Variants in UPK3A observed in about 807,000 individuals in gnomAD.
The protein encoded by UPK3A is uroplakin 3A, also known as uroplakin-3a.
Under a neutral mutation model 27.6 loss-of-function variants are expected in UPK3A, and 32 were observed. The observed-to-expected ratio is 1.16, with a 90% CI of 0.87 to 1.55. The LOEUF is 1.55. UPK3A is among the 40% of genes most tolerant of loss of function. The pLI is 0.00. For synonymous variants in UPK3A, 171 were observed against 163.9 expected (o/e 1.04, Z -0.33); for missense variants, 370 against 367.9 (o/e 1.01, Z -0.05).
At position 45,285,081 on chromosome 22, in the gene UPK3A, CA is replaced by C. The variant is rs909648462; in HGVS notation, c.52+17del. ...TTCGGCTCGGGTAGGCGGTGAAGGG[CA>C]GGAGGGGGCTGAGCCCAGAAAGAGC... On this transcript the variant is annotated intron_variant, in intron 1 of 5. Coordinates refer to ENST00000216211, the MANE Select transcript of UPK3A (RefSeq NM_006953.4). The C allele has an allele frequency of 3.9e-6, 6 of 1,534,498 alleles. No individual in the cohort carries two copies. The African/African-American group carries it at 8.2e-5, about 21-fold the overall frequency.
Position 45,287,432 on chromosome 22 carries a change from T to C in UPK3A, c.469T>C (p.Ser157Pro), listed in dbSNP as rs1294343038. The change falls in exon 3 of 6, where the codon TCG becomes CCG. Residue 157 changes from serine (S) to proline (P), a missense_variant. Physicochemically the swap from Ser to Pro is moderately conservative, Grantham distance 74. Transcript: ENST00000216211. The part of the protein sequence containing the change: ...NFQGLCNAPL[S>P]AATEYRFKYV... ...CCAGGGCCTCTGTAACGCACCCCTG[T>C]CGGCAGCCACGGAGTACAGGTGGGT... 6.2e-7 allele frequency: 1 copy of C among 1,601,994 alleles called. No individual in the cohort carries two copies.
At chr22:45,287,821 C>T (rs929176657) in intron 3 of UPK3A, among the ~76,000 whole-genome samples, 1 of 152,062 alleles carries the variant, frequency 6.6e-6, no homozygotes, top group Non-Finnish European at 1.5e-5. Flanking sequence ...CACCACCATG[C>T]CCGGCTAATT....
rs766609684 is a variant in UPK3A at position 45,285,111 on chromosome 22, C to T, written c.52+46C>T. 2.0e-6 allele frequency: 3 copies of T among 1,513,914 alleles called. No individual in the cohort carries two copies. In the Admixed American group the frequency reaches 6.1e-5, roughly 31 times the overall value. 93.8% of individuals were successfully genotyped at this position (1,513,914 alleles called of 1,614,324 possible). A position where few individuals can be genotyped will look rare whatever the true frequency, so the allele number is the denominator to read the frequency against. The stretch of plus-strand genomic sequence containing the variant: ...GGGGGCTGAGCCCAGAAAGAGCGGG[C>T]AGCTCTGCCCTGGGGCGCCCGCCGC... On this transcript the variant is annotated intron_variant, in intron 1 of 5. Coordinates refer to ENST00000216211, the MANE Select transcript of UPK3A (RefSeq NM_006953.4).
chr22:45,294,827 C>T (rs2084184342), intron 5 of UPK3A, among the ~76,000 whole-genome samples: 1 of 152,018 alleles, frequency 6.6e-6, no homozygotes, highest in Admixed American at 6.6e-5. Context: ...CTGCCTCACA[C>T]CCACCATGTG....
intron 5 of UPK3A, among the ~76,000 whole-genome samples, chr22:45,294,413 A>AT (rs1555906404): frequency 2.7e-5 from 4 of 149,532 alleles, no homozygotes; most frequent in African/African-American, 9.8e-5. Context: ...ACCCTGGTAC[A>AT]CCCCCCCCGG....
chr22:45,289,403 G>A (rs2084143416), intron 4 of UPK3A, among the ~76,000 whole-genome samples: 1 of 151,844 alleles, frequency 6.6e-6, no homozygotes, highest in Non-Finnish European at 1.5e-5. Flanking sequence ...GTGAAACCCC[G>A]TCTCTCCTAA....
rs371890935 is a variant in UPK3A, at chr22:45,289,195, G to A, written c.571+52G>A. 15 of 1,590,866 alleles carry A rather than the reference G, an allele frequency of 9.4e-6. No homozygotes were observed. In the African/African-American group the frequency reaches 1.9e-4, roughly 20 times the overall value. ...ATGCTCAAGGGGACCCGAGAAGGCG[G>A]GGCCAGCCACGGCGGTGAGAACCAA... On this transcript the variant is annotated intron_variant, in intron 4 of 5. Transcript: ENST00000216211.
chr22:45,293,548 G>A (rs2084176362), intron 5 of UPK3A, among the ~76,000 whole-genome samples: 1 of 152,154 alleles, frequency 6.6e-6, no homozygotes, highest in Non-Finnish European at 1.5e-5. Context: ...CAGCACCTGG[G>A]CTTGTGGGCA....
chr22:45,290,067 C>T (rs2084149430), intron 4 of UPK3A, among the ~76,000 whole-genome samples: 1 of 152,194 alleles, frequency 6.6e-6, no homozygotes, highest in South Asian at 2.1e-4. Flanking sequence ...CAGCAAGGAA[C>T]CGCTCTCCTT....
intron 5 of UPK3A, among the ~76,000 whole-genome samples, chr22:45,295,099 C>T (rs1281385158): frequency 6.6e-6 from 1 of 152,120 alleles, no homozygotes; most frequent in East Asian, 1.9e-4. Context: ...AACTCCTCAC[C>T]TCAGGTGATC....
rs577806749 is a variant in UPK3A at position 45,287,379 on chromosome 22, A to G, written c.416A>G (p.Asn139Ser). The change falls in exon 3 of 6, where the codon AAC becomes AGC. Residue 139 changes from asparagine (N) to serine (S), a missense_variant. Physicochemically the swap from Asn to Ser is conservative, Grantham distance 46. Transcript: ENST00000216211. ...LNAYLVRVGA[N>S]GTCLWDPNFQ... ...GCCTACCTGGTCAGGGTGGGTGCCA[A>G]CGGGACCTGCCTGTGGGATCCCAAC... 9 of 1,613,134 alleles carry G rather than the reference A, an allele frequency of 5.6e-6. No homozygotes were observed. Among genetic ancestry groups the G allele is most frequent in the South Asian group, 2.2e-5 (2 of 90,944 alleles).
intron 5 of UPK3A, among the ~76,000 whole-genome samples, chr22:45,294,608 ACT>A (rs2084183053): frequency 6.6e-6 from 1 of 151,976 alleles, no homozygotes; most frequent in Non-Finnish European, 1.5e-5. Flanking sequence ...CCTCCCAGAA[ACT>A]CTGCCTGGCT....
chr22:45,285,097 C>T (rs2084108657), intron 1 of UPK3A, 32 bp downstream of exon 1: 1 of 1,530,058 alleles, frequency 6.5e-7, no homozygotes, highest in Admixed American at 2.0e-5. Context: ...GGGGCTGAGC[C>T]CAGAAAGAGC....
In UPK3A at chr22:45,295,850, T is replaced by G; in HGVS notation, c.*131T>G. 1 of 1,061,036 alleles carries G rather than the reference T, an allele frequency of 9.4e-7. No homozygotes were observed. Among genetic ancestry groups the G allele is most frequent in the Middle Eastern group, 2.8e-4 (1 of 3,510 alleles). 65.7% of individuals were successfully genotyped at this position (1,061,036 alleles called of 1,614,324 possible). ...GTCCCTCCAACTGCAGGAAAACCCT[T>G]AATAAAATCTTCTGATGAGTTCTAG... On this transcript the variant is annotated 3_prime_UTR_variant, in exon 6 of 6. Coordinates refer to ENST00000216211, the MANE Select transcript of UPK3A (RefSeq NM_006953.4).
chr22:45,288,529 T>C (rs1245624879), intron 3 of UPK3A, among the ~76,000 whole-genome samples: 2 of 152,124 alleles, frequency 1.3e-5, no homozygotes, highest in African/African-American at 4.8e-5. Context: ...GACAGGGTTT[T>C]GCCATGTTGG....
intron 3 of UPK3A, among the ~76,000 whole-genome samples, chr22:45,288,109 G>A (rs1244533866): frequency 6.6e-6 from 1 of 152,118 alleles, no homozygotes; most frequent in Non-Finnish European, 1.5e-5. Context: ...AGGAAACTGT[G>A]CCAGAGAGGG....
At position 45,293,176 on chromosome 22, in the gene UPK3A, C is replaced by T. The variant is rs761961024; in HGVS notation, c.572-5C>T. 5 of 1,613,584 alleles carry T rather than the reference C, an allele frequency of 3.1e-6. No homozygotes were observed. The East Asian group carries it at 8.9e-5, about 29-fold the overall frequency. On this transcript the variant is annotated splice_polypyrimidine_tract_variant and splice_region_variant and intron_variant, in intron 4 of 5. Transcript: ENST00000216211. ...GGGAAGTAACCGGGCTGCATCCCACCACAGTCACCCCATACTCGACGATCG... is the reference window on the plus strand; with the variant it reads ...GGGAAGTAACCGGGCTGCATCCCACTACAGTCACCCCATACTCGACGATCG...
At chr22:45,294,419 C>CA (rs367678430) in intron 5 of UPK3A, among the ~76,000 whole-genome samples, 14 of 151,706 alleles carry the variant, frequency 9.2e-5, no homozygotes, top group Admixed American at 3.9e-4. Flanking sequence ...GTACACCCCC[C>CA]CCGGGAGACC....
rs1569103834 is a variant in UPK3A, at chr22:45,287,298, AC to A, written c.337del (p.Leu113CysfsTer17). The A allele has an allele frequency of 4.3e-6, 7 of 1,614,078 alleles. No individual in the cohort carries two copies. Among genetic ancestry groups the A allele is most frequent in the African/African-American group, 1.3e-5 (1 of 74,916 alleles). On this transcript the variant is annotated frameshift_variant, in exon 3 of 6. Transcript: ENST00000216211. LOFTEE classifies it high-confidence loss of function. ...GCCTTTGACCTGATCCCCTGCAGTG[AC>A]CTGCCCAGCCTGGATGCCATTGGGG... is the stretch of plus-strand genomic sequence containing the variant. ...AVAFDLIPCS[D>X]LPSLDAIGDV...
Sources: gnomAD v4.1 joint callset for allele counts (sites outside exome capture counted in the v4.1 genomes callset) on GRCh38, gnomAD v4.1.1 for gene constraint, MANE v1.5 for transcripts, NCBI Gene and HGNC (gene_info 2026-07-23, HGNC 2026-07-21) for gene names.